Variants in SBF2 observed in about 807,000 individuals in gnomAD.
SBF2 encodes SET binding factor 2.
A neutral mutation model predicts 225.2 loss-of-function variants in SBF2; 112 were observed. The observed-to-expected ratio is 0.50, with a 90% CI of 0.43 to 0.58. The LOEUF (loss-of-function observed/expected upper bound fraction) is 0.58. SBF2 is among the 20% of genes least tolerant of loss of function. SBF2 has a pLI of 0.00. For synonymous variants in SBF2, 763 were observed against 773.3 expected (o/e 0.99, Z 0.22); for missense variants, 1,996 against 2,206.2 (o/e 0.90, Z 1.91).
intron 1 of SBF2, among the ~76,000 whole-genome samples, chr11:10,214,345 C>T (rs542748366): frequency 7.9e-4 from 121 of 152,288 alleles, no homozygotes; most frequent in African/African-American, 2.7e-3. Context: ...GCCAATTGGC[C>T]GGGCGCGGTG....
At chr11:10,108,774 T>TC (rs1952696484) in intron 2 of SBF2, among the ~76,000 whole-genome samples, 1 of 152,142 alleles carries the variant, frequency 6.6e-6, no homozygotes, top group African/African-American at 2.4e-5. Flanking sequence ...TCCGCCCGCC[T>TC]CTGCCTCCCA....
chr11:10,090,334 T>C (rs1951727038), intron 2 of SBF2, among the ~76,000 whole-genome samples: 2 of 152,200 alleles, frequency 1.3e-5, no homozygotes, highest in South Asian at 4.1e-4. Flanking sequence ...AGGTATATTT[T>C]ATGTTATATA....
chr11:10,219,999 A>G (rs1382495522), intron 1 of SBF2, among the ~76,000 whole-genome samples: 1 of 152,168 alleles, frequency 6.6e-6, no homozygotes, highest in Non-Finnish European at 1.5e-5. Context: ...GTATCTTTAC[A>G]GAGTGCCCCC....
At chr11:10,042,542 G>A (rs1949692760) in intron 3 of SBF2, among the ~76,000 whole-genome samples, 1 of 152,080 alleles carries the variant, frequency 6.6e-6, no homozygotes, top group African/African-American at 2.4e-5. Flanking sequence ...GAGAAGGGCT[G>A]GCAGGGAAAA....
intron 2 of SBF2, among the ~76,000 whole-genome samples, chr11:10,073,654 T>G (rs1286923753): frequency 6.6e-6 from 1 of 152,080 alleles, no homozygotes; most frequent in African/African-American, 2.4e-5. Flanking sequence ...GAGGCAGAGG[T>G]TGCAGTGAGC....
chr11:9,882,795 C>CAGAAAAA, intron 17 of SBF2, among the ~76,000 whole-genome samples: 1 of 90,058 alleles, frequency 1.1e-5, no homozygotes, highest in Non-Finnish European at 2.4e-5. Context: ...GTGACAGAGT[C>CAGAAAAA]AAAAAAAAAA....
chr11:9,813,965 A>G (rs1285903315), intron 29 of SBF2, among the ~76,000 whole-genome samples: 3 of 152,094 alleles, frequency 2.0e-5, no homozygotes, highest in African/African-American at 7.2e-5. Context: ...ACATAAAAAA[A>G]CCACGAAAGG....
Position 9,993,052 on chromosome 11 carries a change from C to T in SBF2, c.1105G>A (p.Gly369Arg). ...FLRLFAQLFQ[G>R]YRSCLQLIRI... ...ATAAGTTGCAGGCAGGATCTATATC[C>T]TTGGAAGAGTTGTGCAAATAATCTA... The change falls in exon 11 of 40, where the codon GGA becomes AGA. Residue 369 changes from glycine to arginine, a missense_variant. Physicochemically the swap from Gly to Arg is moderately radical, Grantham distance 125. Transcript: ENST00000256190. The T allele has an allele frequency of 6.2e-7, 1 of 1,612,774 alleles. No individual in the cohort carries two copies. The highest frequency in any genetic ancestry group is 8.5e-7 in the Non-Finnish European group (1 of 1,179,738).
intron 1 of SBF2, among the ~76,000 whole-genome samples, chr11:10,202,253 A>G (rs1957592186): frequency 6.6e-6 from 1 of 152,220 alleles, no homozygotes; most frequent in African/African-American, 2.4e-5. Context: ...CCAAATATGC[A>G]TTGAATGTGT....
chr11:10,277,654 T>C (rs559231779), intron 1 of SBF2, among the ~76,000 whole-genome samples: 1 of 152,290 alleles, frequency 6.6e-6, no homozygotes, highest in African/African-American at 2.4e-5. Flanking sequence ...AAAATTATCA[T>C]GGATTTAGGG....
rs1004110845 is a variant in SBF2, at chr11:9,832,836, T to G, written c.3456-416A>C. Reference sequence around the variant, plus strand: ...TGGTGAAAATAGCTAACTCATCCACTGATCTGTAGTCTTTTTTGAAAAGAG... The same window carrying G: ...TGGTGAAAATAGCTAACTCATCCACGGATCTGTAGTCTTTTTTGAAAAGAG... On this transcript the variant is annotated intron_variant, in intron 26 of 39. Coordinates refer to ENST00000256190, the MANE Select transcript of SBF2 (RefSeq NM_030962.4). Among the ~76,000 whole-genome samples, 10 of 152,382 alleles carry G rather than the reference T, an allele frequency of 6.6e-5. No homozygotes were observed. The South Asian group carries it at 1.4e-3, about 22-fold the overall frequency.
At chr11:9,966,332 C>T (rs745951749) in intron 14 of SBF2, among the ~76,000 whole-genome samples, 5 of 152,146 alleles carry the variant, frequency 3.3e-5, no homozygotes, top group East Asian at 3.8e-4. Flanking sequence ...TCAAGTGATC[C>T]GCCCACCTTG....
intron 2 of SBF2, among the ~76,000 whole-genome samples, chr11:10,177,372 T>C (rs1372698067): frequency 1.4e-5 from 2 of 144,790 alleles, no homozygotes; most frequent in South Asian, 2.2e-4. Flanking sequence ...AAATAAAGGC[T>C]ATTCAATTAG....
At chr11:10,063,962 G>A (rs1271356298) in intron 2 of SBF2, among the ~76,000 whole-genome samples, 1 of 151,880 alleles carries the variant, frequency 6.6e-6, no homozygotes, top group Non-Finnish European at 1.5e-5. Flanking sequence ...GCGTCGGGGG[G>A]AGCAAAAATA....
chr11:10,113,118 C>A (rs1201547905), intron 2 of SBF2, among the ~76,000 whole-genome samples: 4 of 152,080 alleles, frequency 2.6e-5, no homozygotes, highest in African/African-American at 9.7e-5. Flanking sequence ...ATCAGCCTCC[C>A]AAGTAGCTGG....
chr11:9,811,490 T>TG (rs1267806914), intron 30 of SBF2, among the ~76,000 whole-genome samples: 2 of 152,114 alleles, frequency 1.3e-5, no homozygotes, highest in African/African-American at 4.8e-5. Flanking sequence ...ATCAGAAACA[T>TG]GGATAGATAA....
chr11:10,079,130 G>A (rs1480017778), intron 2 of SBF2, among the ~76,000 whole-genome samples: 5 of 152,034 alleles, frequency 3.3e-5, no homozygotes, highest in African/African-American at 1.2e-4. Flanking sequence ...ATGTATCAGT[G>A]CAATAATACT....
chr11:9,811,889 G>A (rs1203256081), intron 30 of SBF2, among the ~76,000 whole-genome samples: 1 of 152,130 alleles, frequency 6.6e-6, no homozygotes, highest in African/African-American at 2.4e-5. Flanking sequence ...GTCAAGGTGG[G>A]AGGATTACTT....
At chr11:9,991,526 CT>C (rs1162725709) in intron 12 of SBF2, among the ~76,000 whole-genome samples, 1 of 152,048 alleles carries the variant, frequency 6.6e-6, no homozygotes, top group African/African-American at 2.4e-5. Context: ...GAGTGTTGTT[CT>C]TTTATAGATT....
Sources: gnomAD v4.1 joint callset for allele counts (sites outside exome capture counted in the v4.1 genomes callset) on GRCh38, gnomAD v4.1.1 for gene constraint, MANE v1.5 for transcripts, NCBI Gene and HGNC (gene_info 2026-07-23, HGNC 2026-07-21) for gene names.